The following RPS6KB1 variants were observed in gnomAD, a reference collection of about 807,000 sequenced individuals.
The protein encoded by RPS6KB1 is ribosomal protein S6 kinase B1.
A neutral mutation model predicts 70.2 loss-of-function variants in RPS6KB1; 12 were observed. The ratio of observed to expected loss-of-function variants is 0.17; its 90% CI spans 0.11 to 0.28. RPS6KB1 has a LOEUF of 0.28. Among genes scored for constraint, RPS6KB1 ranks in the 10% least tolerant of loss-of-function variants. RPS6KB1 has a pLI of 1.00. For synonymous variants in RPS6KB1, 175 were observed against 211.2 expected (o/e 0.83, Z 1.49); for missense variants, 270 against 646.6 (o/e 0.42, Z 6.32).
chr17:59,905,939 CA>C (rs1012341758), intron 1 of RPS6KB1, among the ~76,000 whole-genome samples: 3 of 152,166 alleles, frequency 2.0e-5, no homozygotes, highest in East Asian at 3.9e-4. Flanking sequence ...TACAGGCATA[CA>C]ACACCACACT....
At chr17:59,926,674 T>A in intron 5 of RPS6KB1, 92 bp downstream of exon 5, 1 of 1,079,680 alleles carries the variant, frequency 9.3e-7, no homozygotes, top group Non-Finnish European at 1.4e-6. Flanking sequence ...TTTTTCCCAT[T>A]ATGATCAAAT....
intron 1 of RPS6KB1, among the ~76,000 whole-genome samples, chr17:59,899,258 T>G (rs2041761403): frequency 6.6e-6 from 1 of 151,788 alleles, no homozygotes; most frequent in Non-Finnish European, 1.5e-5. Context: ...GTTGTCAGTA[T>G]GTATTACATA....
At chr17:59,940,675 C>A (rs1385103607) in intron 12 of RPS6KB1, among the ~76,000 whole-genome samples, 161 bp from the exon 13 acceptor site, 1 of 152,120 alleles carries the variant, frequency 6.6e-6, no homozygotes, top group Non-Finnish European at 1.5e-5. Context: ...TGACTCAGTA[C>A]TTTCCACCTA....
intron 4 of RPS6KB1, among the ~76,000 whole-genome samples, chr17:59,915,343 A>G (rs914396134): frequency 1.3e-5 from 2 of 152,018 alleles, no homozygotes; most frequent in Non-Finnish European, 1.5e-5. Flanking sequence ...GGTATGTTTC[A>G]TTACTGTTAT....
Position 59,946,613 on chromosome 17 carries a change from C to G in RPS6KB1, c.1403C>G (p.Pro468Arg). ...GRGASASTAN[P>R]QTPVEYPMET... ...GGTGCTTCGGCCAGCACAGCAAATC[C>G]TCAGACACCTGTGGAATACCCAATG... is the stretch of plus-strand genomic sequence containing the variant. Residue 468 changes from proline to arginine, a missense_variant, in exon 15 of 15, where the codon CCT becomes CGT. Pro to Arg is a moderately radical substitution (Grantham distance 103). Transcript: ENST00000225577. This position sits in a 1 kb window ranked among gnomAD's most constrained non-coding sequence, Gnocchi z 4.2. 1 of 1,614,122 alleles carries G rather than the reference C, an allele frequency of 6.2e-7. No individual in the cohort carries two copies. The highest frequency in any genetic ancestry group is 8.5e-7 in the Non-Finnish European group (1 of 1,180,030).
chr17:59,911,538 G>T (rs1474173653), intron 2 of RPS6KB1, among the ~76,000 whole-genome samples: 24 of 74,728 alleles, frequency 3.2e-4, no homozygotes, highest in Admixed American at 1.1e-3. Flanking sequence ...TTTTTGTTGG[G>T]TTTTTTTTTT....
intron 4 of RPS6KB1, among the ~76,000 whole-genome samples, chr17:59,917,151 C>A (rs572462777): frequency 6.6e-6 from 1 of 152,240 alleles, no homozygotes; most frequent in Non-Finnish European, 1.5e-5. Context: ...TAGGGTCTCG[C>A]CCTGTCACCT....
chr17:59,902,141 A>G (rs1288818103), intron 1 of RPS6KB1, among the ~76,000 whole-genome samples: 3 of 114,804 alleles, frequency 2.6e-5, no homozygotes, highest in Non-Finnish European at 4.8e-5. Flanking sequence ...GTCTCACTCT[A>G]TCACCTAGGC....
At chr17:59,917,092 T>C (rs915010267) in intron 4 of RPS6KB1, among the ~76,000 whole-genome samples, 5 of 152,172 alleles carry the variant, frequency 3.3e-5, no homozygotes, top group South Asian at 2.1e-4. Context: ...TATAGTGATG[T>C]GTGTTGCTTT....
rs748722352 is a variant in RPS6KB1 at position 59,948,256 on chromosome 17, A to G, written c.*1468A>G. The G allele has an allele frequency of 6.6e-6, 1 of 152,668 alleles. No individual in the cohort carries two copies. Among genetic ancestry groups the G allele is most frequent in the Non-Finnish European group, 1.5e-5 (1 of 68,046 alleles). 9.5% of individuals were successfully genotyped at this position (152,668 alleles called of 1,614,324 possible). A position where few individuals can be genotyped will look rare whatever the true frequency, so the allele number is the denominator to read the frequency against. On this transcript the variant is annotated 3_prime_UTR_variant, in exon 15 of 15. Transcript: ENST00000225577. ...AAGGGTTTAATATCTGCAGAGCTTT[A>G]TAAAAATATATTTCAGTGCATACTG...
At chr17:59,911,672 G>A (rs1365896472) in intron 2 of RPS6KB1, among the ~76,000 whole-genome samples, 2 of 150,428 alleles carry the variant, frequency 1.3e-5, no homozygotes, top group African/African-American at 2.4e-5. Flanking sequence ...AGCCTCCTGA[G>A]TAGCTGGGAT....
At chr17:59,894,592 G>A (rs576285291) in intron 1 of RPS6KB1, among the ~76,000 whole-genome samples, 1 of 152,224 alleles carries the variant, frequency 6.6e-6, no homozygotes, top group South Asian at 2.1e-4. Context: ...AAATAATACT[G>A]TTCTTCTTGT....
chr17:59,924,843 T>TTTATTTA (rs1198997230), intron 4 of RPS6KB1, among the ~76,000 whole-genome samples: 44 of 149,758 alleles, frequency 2.9e-4, no homozygotes, highest in African/African-American at 8.8e-4. Flanking sequence ...TTATTTATTT[T>TTTATTTA]TTTGAGACGG....
intron 7 of RPS6KB1, 125 bp downstream of exon 7, chr17:59,931,847 C>G (rs1323497742): frequency 1.6e-6 from 1 of 636,388 alleles, no homozygotes; most frequent in Non-Finnish European, 2.8e-6. Context: ...CCTCAGAATT[C>G]ATGGCATCAT....
chr17:59,947,183 T>C lies in RPS6KB1; in HGVS notation c.*395T>C. 1 of 1,042,600 alleles carries C rather than the reference T, an allele frequency of 9.6e-7. No homozygotes were observed. Among genetic ancestry groups the C allele is most frequent in the Non-Finnish European group, 1.2e-6 (1 of 866,270 alleles). The allele number at this position is 1,042,600 out of a possible 1,614,324, so 64.6% of individuals were successfully genotyped here. A position where few individuals can be genotyped will look rare whatever the true frequency, so the allele number is the denominator to read the frequency against. On this transcript the variant is annotated 3_prime_UTR_variant, in exon 15 of 15. Transcript: ENST00000225577. ...CAAAGTACAAAATTGCCTATAATACTTGCAACTAAGGACAAATTAGCATGC... is the reference window on the plus strand; with the variant it reads ...CAAAGTACAAAATTGCCTATAATACCTGCAACTAAGGACAAATTAGCATGC...
chr17:59,947,487 T>C lies in RPS6KB1; in HGVS notation c.*699T>C, dbSNP rs2044993793. On this transcript the variant is annotated 3_prime_UTR_variant, in exon 15 of 15. Transcript: ENST00000225577. Reference sequence around the variant, plus strand: ...CCACAGCTGTGGCTCGTTTGAGGGATTGGGGTGGACCTGGGGTTTATTTTC... The same window carrying C: ...CCACAGCTGTGGCTCGTTTGAGGGACTGGGGTGGACCTGGGGTTTATTTTC... The C allele has an allele frequency of 4.8e-6, 7 of 1,461,448 alleles. No homozygotes were observed. In the South Asian group the frequency reaches 7.2e-5, roughly 15 times the overall value. 90.5% of individuals were successfully genotyped at this position (1,461,448 alleles called of 1,614,324 possible). A position where few individuals can be genotyped will look rare whatever the true frequency, so the allele number is the denominator to read the frequency against.
intron 2 of RPS6KB1, among the ~76,000 whole-genome samples, chr17:59,911,681 A>G (rs2042652690): frequency 6.6e-6 from 1 of 150,810 alleles, no homozygotes; most frequent in African/African-American, 2.4e-5. Context: ...AGTAGCTGGG[A>G]TTATAGGTTC....
At chr17:59,896,947 G>C (rs1241718308) in intron 1 of RPS6KB1, among the ~76,000 whole-genome samples, 1 of 151,822 alleles carries the variant, frequency 6.6e-6, no homozygotes, top group Non-Finnish European at 1.5e-5. Context: ...GAAAATGAGA[G>C]AAGTTTAGAT....
At chr17:59,912,928 T>G in intron 3 of RPS6KB1, 124 bp downstream of exon 3, 1 of 1,023,724 alleles carries the variant, frequency 9.8e-7, no homozygotes, top group Non-Finnish European at 1.5e-6. Context: ...CATGACCACT[T>G]AGCTGGTATG....
Sources: gnomAD v4.1 joint callset for allele counts (sites outside exome capture counted in the v4.1 genomes callset) on GRCh38, gnomAD v4.1.1 for gene constraint, Gnocchi (gnomAD v3.1) non-coding constraint, MANE v1.5 for transcripts, NCBI Gene and HGNC (gene_info 2026-07-23, HGNC 2026-07-21) for gene names.